The following CACNA1B variants were observed in gnomAD, a reference collection of about 807,000 sequenced individuals.
CACNA1B encodes voltage-dependent N-type calcium channel subunit alpha-1B.
A neutral mutation model predicts 247.2 loss-of-function variants in CACNA1B; 70 were observed. The ratio of observed to expected loss-of-function variants is 0.28; its 90% CI spans 0.23 to 0.35. CACNA1B has a LOEUF of 0.35. Among genes scored for constraint, CACNA1B ranks in the 10% least tolerant of loss-of-function variants. The pLI, the probability that CACNA1B is intolerant of heterozygous loss-of-function variation, is 1.00. For missense variants in CACNA1B, 2,367 were observed against 3,197.4 expected, an observed-to-expected ratio of 0.74 and a Z score of 6.26; for synonymous variants, 1,231 against 1,294.4, an observed-to-expected ratio of 0.95 and a Z score of 1.05.
intron 15 of CACNA1B, among the ~76,000 whole-genome samples, chr9:137,995,921 C>T (rs75245884): frequency 0.036 from 5,534 of 152,316 alleles, 331 homozygotes; most frequent in African/African-American, 0.12. Context: ...AAATGCTTAA[C>T]ATCACTGTCA....
In CACNA1B at chr9:138,023,006, C is replaced by G; in HGVS notation, c.2268-5C>G. 6 of 1,497,618 alleles carry G rather than the reference C, an allele frequency of 4.0e-6. No homozygotes were observed. Among genetic ancestry groups the G allele is most frequent in the Non-Finnish European group, 5.3e-6 (6 of 1,130,542 alleles). The allele number at this position is 1,497,618 out of a possible 1,614,324, so 92.8% of individuals were successfully genotyped here. ...GGGCCGCGCTCACCGCCAGTCTCCC[C>G]GCAGCAGGCAGCAGAACTCGGCCAA... On this transcript the variant is annotated splice_polypyrimidine_tract_variant and splice_region_variant and intron_variant, in intron 18 of 46. Coordinates refer to ENST00000371372, the MANE Select transcript of CACNA1B (RefSeq NM_000718.4).
intron 3 of CACNA1B, chr9:137,890,598 C>G (rs1319475207): frequency 6.6e-6 from 1 of 150,600 alleles, no homozygotes; most frequent in Non-Finnish European, 1.5e-5. Context: ...CCAGGCCTCT[C>G]CTCTCGACGG....
chr9:138,005,761 C>T lies in CACNA1B; in HGVS notation c.1975-1006C>T, dbSNP rs116345694. Among the ~76,000 whole-genome samples the T allele has an allele frequency of 4.8e-3, 734 of 152,186 alleles. 5 individuals are homozygous for T. The highest frequency in any genetic ancestry group is 0.017 in the African/African-American group (695 of 41,538). On this transcript the variant is annotated intron_variant, in intron 15 of 46. Transcript: ENST00000371372. Reference sequence around the variant, plus strand: ...TGTATCGATAAAAAGAATTAAAAAACGGCAGGGTGTGGCGGCTCACGCCTG... The same window carrying T: ...TGTATCGATAAAAAGAATTAAAAAATGGCAGGGTGTGGCGGCTCACGCCTG...
chr9:137,978,051 T>TG, intron 12 of CACNA1B, among the ~76,000 whole-genome samples: 1 of 56,340 alleles, frequency 1.8e-5, no homozygotes, highest in African/African-American at 7.0e-5. Flanking sequence ...AGCACTACCC[T>TG]CCCCCCCAGG....
At position 138,058,944 on chromosome 9, in the gene CACNA1B, G is replaced by A. The variant is rs1453105475; in HGVS notation, c.4474-135G>A. Reference sequence around the variant, plus strand: ...TGGGGAGGTTCTGGGAGGACTCGGGGAGAGCAGGAAGGGGTGTCCCAGGCC... The same window carrying A: ...TGGGGAGGTTCTGGGAGGACTCGGGAAGAGCAGGAAGGGGTGTCCCAGGCC... On this transcript the variant is annotated intron_variant, in intron 29 of 46. Transcript: ENST00000371372. The surrounding 1 kb of genome is among the most constrained non-coding windows in gnomAD (Gnocchi z 4.7). 4.2e-6 allele frequency: 3 copies of A among 713,886 alleles called. No individual in the cohort carries two copies. The highest frequency in any genetic ancestry group is 7.4e-6 in the Non-Finnish European group (3 of 407,314). The allele number at this position is 713,886 out of a possible 1,614,324, so 44.2% of individuals were successfully genotyped here. A position where few individuals can be genotyped will look rare whatever the true frequency, so the allele number is the denominator to read the frequency against.
rs755630654 is a variant in CACNA1B, at chr9:138,109,898, C to T, written c.5429-2500C>T. Among the ~76,000 whole-genome samples the T allele has an allele frequency of 4.6e-5, 7 of 152,076 alleles. No homozygotes were observed. In the East Asian group the frequency reaches 5.8e-4, roughly 13 times the overall value. The stretch of plus-strand genomic sequence containing the variant: ...CCAACTTGGCCAACATGGTGAAACC[C>T]GTCCCTACTAAAAAAAGCTGGGCCT... On this transcript the variant is annotated intron_variant, in intron 39 of 46. Transcript: ENST00000371372.
At chr9:138,113,719 C>T (rs1364257936) in intron 40 of CACNA1B, among the ~76,000 whole-genome samples, 1 of 131,704 alleles carries the variant, frequency 7.6e-6, no homozygotes, top group African/African-American at 3.0e-5. Context: ...TTGCGGGAGA[C>T]GTGAGGGAGT....
chr9:137,900,834 C>CT (rs1373469739), intron 3 of CACNA1B, among the ~76,000 whole-genome samples: 1 of 141,698 alleles, frequency 7.1e-6, no homozygotes, highest in East Asian at 2.2e-4. Flanking sequence ...GTCCTTGTGT[C>CT]TGTGCTGTGT....
At position 138,050,859 on chromosome 9, in the gene CACNA1B, A is replaced by G. The variant is rs1364083881; in HGVS notation, c.3711-1233A>G. Among the ~76,000 whole-genome samples the G allele has an allele frequency of 2.6e-5, 4 of 151,808 alleles. No individual in the cohort carries two copies. The highest frequency in any genetic ancestry group is 5.9e-5 in the Non-Finnish European group (4 of 67,952). On this transcript the variant is annotated intron_variant, in intron 24 of 46. Coordinates refer to ENST00000371372, the MANE Select transcript of CACNA1B (RefSeq NM_000718.4). The surrounding 1 kb of genome is among the most constrained non-coding windows in gnomAD (Gnocchi z 5.2). ...TCCCACCTGGAAGCGTTTCAGGGGG[A>G]GTTTGATCTGATTCTGGAGTGTAGC...
chr9:137,939,406 A>G (rs915717701), intron 6 of CACNA1B, among the ~76,000 whole-genome samples: 1 of 152,196 alleles, frequency 6.6e-6, no homozygotes, highest in African/African-American at 2.4e-5. Flanking sequence ...GTCAACTCCA[A>G]GAAGAACCCT....
At position 137,880,771 on chromosome 9, in the gene CACNA1B, A is replaced by G. The variant is rs1956906902; in HGVS notation, c.390+1612A>G. 6.6e-6 allele frequency among the ~76,000 whole-genome samples: 1 copy of G among 152,108 alleles called. No homozygotes were observed. Among genetic ancestry groups the G allele is most frequent in the African/African-American group, 2.4e-5 (1 of 41,408 alleles). ...CAGCCATTGATGTCCCCTGGGATGG[A>G]GGGGAGGCTGTGCTGCTGCCCACAG... is the stretch of plus-strand genomic sequence containing the variant. On this transcript the variant is annotated intron_variant, in intron 2 of 46. Coordinates refer to ENST00000371372, the MANE Select transcript of CACNA1B (RefSeq NM_000718.4). This position sits in a 1 kb window ranked among gnomAD's most constrained non-coding sequence, Gnocchi z 4.8.
At chr9:137,902,381 C>T (rs1957249707) in intron 3 of CACNA1B, among the ~76,000 whole-genome samples, 1 of 152,158 alleles carries the variant, frequency 6.6e-6, no homozygotes, top group Non-Finnish European at 1.5e-5. Context: ...CAGCTGTTGC[C>T]TCCTTGCTTT....
chr9:138,047,483 ACC>A, intron 23 of CACNA1B, 25 bp downstream of exon 23: 1 of 1,572,170 alleles, frequency 6.4e-7, no homozygotes, highest in Non-Finnish European at 8.8e-7. Context: ...TGCCCTTGTG[ACC>A]CCAGTGTTTT....
chr9:137,972,290 C>A (rs1958162263), intron 11 of CACNA1B, among the ~76,000 whole-genome samples: 1 of 150,654 alleles, frequency 6.6e-6, no homozygotes, highest in Non-Finnish European at 1.5e-5. Flanking sequence ...AAGAGTCCAC[C>A]CATGTTTTAT....
At chr9:138,110,116 T>TAC (rs1051689751) in intron 39 of CACNA1B, among the ~76,000 whole-genome samples, 9 of 129,958 alleles carry the variant, frequency 6.9e-5, no homozygotes, top group Non-Finnish European at 1.4e-4. Context: ...TATATATATA[T>TAC]ACATATATAT....
chr9:138,072,649 G>C lies in CACNA1B; in HGVS notation c.4675-839G>C, dbSNP rs891426314. On this transcript the variant is annotated intron_variant, in intron 32 of 46. Transcript: ENST00000371372. This position sits in a 1 kb window ranked among gnomAD's most constrained non-coding sequence, Gnocchi z 4.5. ...CCTGGGTCCACAAGCACCCCCATCT[G>C]TGCACGGACACCTCCCCAGAGCCTG... Among the ~76,000 whole-genome samples the C allele has an allele frequency of 6.6e-6, 1 of 152,250 alleles. No individual in the cohort carries two copies. Among genetic ancestry groups the C allele is most frequent in the Admixed American group, 6.5e-5 (1 of 15,292 alleles).
chr9:138,112,254 C>T, intron 39 of CACNA1B, 144 bp from the exon 40 acceptor site: 1 of 642,432 alleles, frequency 1.6e-6, no homozygotes, highest in Non-Finnish European at 2.9e-6. Flanking sequence ...GTTCCCACTG[C>T]ACCCTCCTTC....
chr9:138,047,353 C>T, intron 22 of CACNA1B, 46 bp from the exon 23 acceptor site: 1 of 1,466,472 alleles, frequency 6.8e-7, no homozygotes, highest in Non-Finnish European at 9.6e-7. Flanking sequence ...CACCCTGGCT[C>T]AGATTTCAGC....
At chr9:138,074,156 A>T in intron 34 of CACNA1B, 90 bp downstream of exon 34, 1 of 928,774 alleles carries the variant, frequency 1.1e-6, no homozygotes, top group Non-Finnish European at 1.8e-6. Flanking sequence ...AATCATCGTC[A>T]TAATCAGTTG....
Sources: allele counts gnomAD v4.1 joint callset (sites outside exome capture counted in the v4.1 genomes callset), GRCh38; gene constraint gnomAD v4.1.1; non-coding constraint Gnocchi (gnomAD v3.1); transcripts MANE v1.5; gene names NCBI Gene and HGNC (gene_info 2026-07-23, HGNC 2026-07-21).